EIF3M: variants seen among roughly 807,000 people sequenced by gnomAD.
EIF3M encodes eukaryotic translation initiation factor 3 subunit M, also known as B5 receptor.
A neutral mutation model predicts 49.7 loss-of-function variants in EIF3M; 25 were observed. The observed-to-expected ratio is 0.50, with a 90% CI of 0.37 to 0.70. The LOEUF (loss-of-function observed/expected upper bound fraction) is 0.70. EIF3M is among the 30% of genes least tolerant of loss of function. The probability of loss-of-function intolerance (pLI) is 0.00; values close to 1 mark genes in which losing one functional copy is unlikely to be tolerated. For synonymous variants in EIF3M, 156 were observed against 149.8 expected (o/e 1.04, Z -0.30); for missense variants, 350 against 440.0 (o/e 0.80, Z 1.83).
At chr11:32,593,775 G>T in intron 5 of EIF3M, 91 bp from the exon 6 acceptor site, 1 of 812,374 alleles carries the variant, frequency 1.2e-6, no homozygotes, top group South Asian at 3.8e-5. Context: ...CCGTTATAAT[G>T]TCATCAGCAC....
intron 5 of EIF3M, among the ~76,000 whole-genome samples, chr11:32,590,890 G>A (rs546804660): frequency 2.2e-4 from 34 of 151,264 alleles, no homozygotes; most frequent in African/African-American, 6.6e-4. Context: ...TTGCTCTGTC[G>A]CCCAGGCTGG....
Position 32,588,726 on chromosome 11 carries a change from T to A in EIF3M, c.308T>A (p.Leu103Gln), listed in dbSNP as rs1481892371. The change falls in exon 3 of 11, where the codon CTG becomes CAG. Residue 103 changes from leucine (L) to glutamine (Q), a missense_variant. Physicochemically the swap from Leu to Gln is moderately radical, Grantham distance 113. Coordinates refer to ENST00000531120, the MANE Select transcript of EIF3M (RefSeq NM_006360.6). ...GAAGGTGAACGCCCGTCTCTGAGACTGCAGTTGTAAGTTAAGATCTGAAAG... is the reference window on the plus strand; with the variant it reads ...GAAGGTGAACGCCCGTCTCTGAGACAGCAGTTGTAAGTTAAGATCTGAAAG... ...FREGERPSLR[L>Q]QLLSNLFHGM... The A allele has an allele frequency of 6.2e-7, 1 of 1,614,196 alleles. No homozygotes were observed. Among genetic ancestry groups the A allele is most frequent in the Non-Finnish European group, 8.5e-7 (1 of 1,180,026 alleles).
In EIF3M at chr11:32,603,353, A is replaced by G. The variant is rs771315297; in HGVS notation, c.*954A>G. 4 of 197,726 alleles carry G rather than the reference A, an allele frequency of 2.0e-5. No individual in the cohort carries two copies. Among genetic ancestry groups the G allele is most frequent in the Non-Finnish European group, 4.1e-5 (4 of 98,466 alleles). 12.2% of individuals were successfully genotyped at this position (197,726 alleles called of 1,614,324 possible). On this transcript the variant is annotated 3_prime_UTR_variant, in exon 11 of 11. Transcript: ENST00000531120. ...AGTTGGCATGTTTTCAAGACACTGT[A>G]TTGGGTAATTTTAAAAATAGTGTGT...
rs777546451 is a variant in EIF3M, at chr11:32,595,014, G to C, written c.717+1G>C. 6.2e-7 allele frequency: 1 copy of C among 1,610,222 alleles called. No homozygotes were observed. The highest frequency in any genetic ancestry group is 8.5e-7 in the Non-Finnish European group (1 of 1,179,040). On this transcript the variant is annotated splice_donor_variant, in intron 7 of 10. Coordinates refer to ENST00000531120, the MANE Select transcript of EIF3M (RefSeq NM_006360.6). LOFTEE classifies it high-confidence loss of function. The stretch of plus-strand genomic sequence containing the variant: ...TTTGGAAGGCGAGCTTATTCATGAT[G>C]TAAGTAGTTTATCCTTTAATGTGAA...
intron 1 of EIF3M, among the ~76,000 whole-genome samples, chr11:32,585,348 G>T (rs1053545715): frequency 6.6e-6 from 1 of 151,866 alleles, no homozygotes; most frequent in African/African-American, 2.4e-5. Context: ...GTCATTGATC[G>T]TATCTTAAAG....
chr11:32,599,056 A>T (rs1200202574), intron 8 of EIF3M, among the ~76,000 whole-genome samples: 1 of 152,024 alleles, frequency 6.6e-6, no homozygotes, highest in Non-Finnish European at 1.5e-5. Context: ...ATAATTAAAC[A>T]TTTATTACAG....
At chr11:32,590,650 T>C (rs1855085745) in intron 5 of EIF3M, among the ~76,000 whole-genome samples, 1 of 152,186 alleles carries the variant, frequency 6.6e-6, no homozygotes, top group Admixed American at 6.5e-5. Context: ...AGGGGATACT[T>C]GTTTAAACAC....
intron 1 of EIF3M, chr11:32,584,132 C>T (rs1391596508): frequency 1.3e-5 from 8 of 629,502 alleles, no homozygotes; most frequent in Admixed American, 3.0e-5. Context: ...CAGCGCGGGG[C>T]CCGACGCTTC....
rs1855158053 is a variant in EIF3M at position 32,594,998 on chromosome 11, C to G, written c.702C>G (p.Gly234=). ...LTLKPVKFLE[G]ELIHDLLTIF... The stretch of plus-strand genomic sequence containing the variant: ...TAAAACCAGTCAAGTTTTTGGAAGG[C>G]GAGCTTATTCATGATGTAAGTAGTT... The change falls in exon 7 of 11, where the codon GGC becomes GGG. Residue 234 remains glycine, a synonymous_variant. Transcript: ENST00000531120. The G allele has an allele frequency of 6.2e-7, 1 of 1,613,034 alleles. No homozygotes were observed. The highest frequency in any genetic ancestry group is 1.3e-5 in the African/African-American group (1 of 74,862).
chr11:32,588,549 A>C, intron 2 of EIF3M, 45 bp from the exon 3 acceptor site: 1 of 1,591,224 alleles, frequency 6.3e-7, no homozygotes, highest in Non-Finnish European at 8.6e-7. Context: ...AGACGCATTG[A>C]GTATTGTAGT....
chr11:32,601,523 A>C (rs898238475), intron 9 of EIF3M: 46 of 268,714 alleles, frequency 1.7e-4, no homozygotes, highest in South Asian at 2.6e-4. Flanking sequence ...AAAAAAAAAA[A>C]CAGCAAAAAA....
At position 32,591,233 on chromosome 11, in the gene EIF3M, A is replaced by G. The variant is rs566770463; in HGVS notation, c.533+1592A>G. Among the ~76,000 whole-genome samples the G allele has an allele frequency of 3.3e-5, 5 of 152,332 alleles. 1 individual carries two copies. In the South Asian group the frequency reaches 1.0e-3, roughly 32 times the overall value. On this transcript the variant is annotated intron_variant, in intron 5 of 10. Coordinates refer to ENST00000531120, the MANE Select transcript of EIF3M (RefSeq NM_006360.6). ...TGTGTGCTTCAAGTGGATTAAAAAG[A>G]TTTCTTTAGCTGAGAAGGTTGAAGT...
At chr11:32,592,511 GCTGTCTTTGGTTCCA>G in intron 5 of EIF3M, 1 of 525,156 alleles carries the variant, frequency 1.9e-6, no homozygotes, top group Non-Finnish European at 3.7e-6. Flanking sequence ...TCTAGAAACA[GCTGTCTTTGGTTCCA>G]TTGCACTCCT....
rs781431838 is a variant in EIF3M, at chr11:32,587,019, A to C, written c.50A>C (p.Glu17Ala). The C allele has an allele frequency of 1.9e-6, 3 of 1,608,588 alleles. No homozygotes were observed. Among genetic ancestry groups the C allele is most frequent in the Admixed American group, 1.7e-5 (1 of 59,136 alleles). ...TAGAGCAATCCTCAACAGGCTGCTGAGCTTCGTGCTTATCTGAAATCTAAA... is the reference window on the plus strand; with the variant it reads ...TAGAGCAATCCTCAACAGGCTGCTGCGCTTCGTGCTTATCTGAAATCTAAA... ...IDISEEDQAA[E>A]LRAYLKSKGA... The change falls in exon 2 of 11, where the codon GAG becomes GCG. Residue 17 changes from glutamate (E) to alanine (A), a missense_variant. Glu to Ala is a moderately radical substitution (Grantham distance 107). Transcript: ENST00000531120.
At chr11:32,602,053 A>G (rs937582315) in intron 10 of EIF3M, 12 of 870,602 alleles carry the variant, frequency 1.4e-5, no homozygotes, top group Non-Finnish European at 1.6e-5. Flanking sequence ...TAGAATACTA[A>G]TGACTTTTAT....
intron 5 of EIF3M, chr11:32,592,426 T>C: frequency 1.8e-6 from 1 of 543,548 alleles, no homozygotes; most frequent in Non-Finnish European, 3.6e-6. Context: ...AATTATGTTC[T>C]TCTGTATCTT....
rs1249686589 is a variant in EIF3M, at chr11:32,595,967, T to C, written c.719T>C (p.Leu240Pro). The C allele has an allele frequency of 6.3e-7, 1 of 1,576,656 alleles. No individual in the cohort carries two copies. Among genetic ancestry groups the C allele is most frequent in the African/African-American group, 1.4e-5 (1 of 71,958 alleles). The change falls in exon 8 of 11, where the codon CTT becomes CCT. Residue 240 changes from leucine to proline, a missense_variant and splice_region_variant. Physicochemically the swap from Leu to Pro is moderately conservative, Grantham distance 98 (BLOSUM62 -3). Transcript: ENST00000531120. ...CTTTTTTGTCTCTTATCTGTATAGC[T>C]TTTAACCATTTTTGTGAGTGCTAAA... ...KFLEGELIHD[L>P]LTIFVSAKLA...
chr11:32,601,364 A>G (rs1321832580), intron 9 of EIF3M: 1 of 157,876 alleles, frequency 6.3e-6, no homozygotes, highest in Non-Finnish European at 1.4e-5. Context: ...TTATGCAATT[A>G]AGATTAATAA....
intron 5 of EIF3M, among the ~76,000 whole-genome samples, chr11:32,593,196 A>G (rs946428960): frequency 6.6e-6 from 1 of 152,256 alleles, no homozygotes; most frequent in Non-Finnish European, 1.5e-5. Flanking sequence ...AAAGCTTTCT[A>G]TAAGCTGAAG....
Sources: gnomAD v4.1 joint callset for allele counts (sites outside exome capture counted in the v4.1 genomes callset) on GRCh38, gnomAD v4.1.1 for gene constraint, MANE v1.5 for transcripts, NCBI Gene and HGNC (gene_info 2026-07-23, HGNC 2026-07-21) for gene names.